The following SPATA31F1 variants were observed in gnomAD, a reference collection of about 807,000 sequenced individuals.
SPATA31F1 encodes protein SPATA31F1.
the SPATA31F1 span, chr9:34,723,498 C>G: frequency 3.2e-6 from 5 of 1,551,708 alleles, no homozygotes; most frequent in East Asian, 4.9e-5. Flanking sequence ...GCAACATTTT[C>G]TTTTCTGGTT....
chr9:34,724,183 G>T, the SPATA31F1 span: 121 of 1,551,436 alleles, frequency 7.8e-5, no homozygotes, highest in Non-Finnish European at 1.0e-4. Context: ...CCTCCAGGCT[G>T]GGTTTGTTCA....
the SPATA31F1 span, chr9:34,724,241 C>T: frequency 6.4e-7 from 1 of 1,551,542 alleles, no homozygotes; most frequent in Admixed American, 2.0e-5. Flanking sequence ...TGTCATGTCC[C>T]CACTGGGCTG....
chr9:34,723,991 C>A, the SPATA31F1 span: 199,911 of 1,549,520 alleles, frequency 0.13, 13,569 homozygotes, highest in Middle Eastern at 0.2. Flanking sequence ...TCCCTGCTGG[C>A]CTCTGGTCTT....
the SPATA31F1 span, chr9:34,726,738 C>G: frequency 3.9e-6 from 6 of 1,551,698 alleles, no homozygotes; most frequent in Non-Finnish European, 5.2e-6. Flanking sequence ...GTTGGGGTTA[C>G]AGATGACAGT....
chr9:34,723,504 T>C, the SPATA31F1 span: 4 of 1,551,834 alleles, frequency 2.6e-6, no homozygotes. Context: ...TTTTCTTTTC[T>C]GGTTTTGGCC....
At chr9:34,727,932 A>G in the SPATA31F1 span, 22 of 1,221,228 alleles carry the variant, frequency 1.8e-5, no homozygotes, top group East Asian at 5.5e-4. Flanking sequence ...CCCAGCCATT[A>G]TCTTTCTCCT....
chr9:34,723,482 C>G, the SPATA31F1 span: 19 of 1,551,698 alleles, frequency 1.2e-5, no homozygotes, highest in Admixed American at 3.7e-4. Context: ...TGGAGCCAGG[C>G]TCTTTGCAAC....
chr9:34,728,227 C>G, the SPATA31F1 span: 2 of 680,004 alleles, frequency 2.9e-6, no homozygotes, highest in South Asian at 2.0e-5. Context: ...CTGAGTACAG[C>G]ATCGCTGTAA....
the SPATA31F1 span, chr9:34,723,622 A>G: frequency 7.1e-6 from 11 of 1,551,746 alleles, no homozygotes; most frequent in Non-Finnish European, 9.6e-6. Context: ...TAGACTCTGT[A>G]AGGCTGGGCT....
the SPATA31F1 span, chr9:34,724,899 G>A: frequency 6.5e-7 from 1 of 1,549,986 alleles, no homozygotes; most frequent in Non-Finnish European, 8.7e-7. Flanking sequence ...AAGGCCAGAT[G>A]CTTGTGCCGT....
chr9:34,728,127 T>C, the SPATA31F1 span: 1 of 1,527,564 alleles, frequency 6.5e-7, no homozygotes, highest in Non-Finnish European at 8.9e-7. Flanking sequence ...GATAATTTCA[T>C]AGGCATCCTA....
the SPATA31F1 span, chr9:34,726,527 G>A: frequency 0.17 from 271,387 of 1,551,218 alleles, 26,503 homozygotes; most frequent in African/African-American, 0.37. Flanking sequence ...GTTGCTCTGC[G>A]TCATCTCCTC....
chr9:34,727,352 G>A, the SPATA31F1 span, among the ~76,000 whole-genome samples: 1 of 152,222 alleles, frequency 6.6e-6, no homozygotes, highest in Admixed American at 6.5e-5. Flanking sequence ...TTAGAACCCA[G>A]ACCAGTCTTA....
the SPATA31F1 span, among the ~76,000 whole-genome samples, chr9:34,728,887 A>C: frequency 2.6e-5 from 4 of 152,162 alleles, no homozygotes; most frequent in Non-Finnish European, 5.9e-5. Context: ...CATCTGATTC[A>C]CAGAGAAGTC....
chr9:34,724,298 G>T, the SPATA31F1 span: 1 of 1,551,488 alleles, frequency 6.4e-7, no homozygotes. Flanking sequence ...TACAGCTTTG[G>T]AATTGGATTG....
the SPATA31F1 span, chr9:34,723,055 G>T: frequency 1.3e-6 from 1 of 756,720 alleles, no homozygotes; most frequent in Non-Finnish European, 2.1e-6. Flanking sequence ...ACAATGTATT[G>T]CTGAGAAATA....
chr9:34,727,922 C>T, the SPATA31F1 span: 1 of 1,130,230 alleles, frequency 8.8e-7, no homozygotes, highest in African/African-American at 1.6e-5. Context: ...ATGTCTCCCT[C>T]CCAGCCATTA....
chr9:34,723,282 G>T, the SPATA31F1 span: 2 of 1,551,782 alleles, frequency 1.3e-6, no homozygotes, highest in African/African-American at 1.4e-5. Flanking sequence ...GGACAGTGAC[G>T]AGGGCAGTGG....
the SPATA31F1 span, chr9:34,728,620 G>GCAT: frequency 6.4e-7 from 1 of 1,550,800 alleles, no homozygotes; most frequent in Middle Eastern, 1.9e-4. Context: ...TGTTGATGCT[G>GCAT]CATCTCTAGC....
Sources: allele counts gnomAD v4.1 joint callset (sites outside exome capture counted in the v4.1 genomes callset), GRCh38; gene constraint gnomAD v4.1.1; transcripts MANE v1.5; gene names NCBI Gene and HGNC (gene_info 2026-07-23, HGNC 2026-07-21).